Variants in CCDC200 observed in about 807,000 individuals in gnomAD.
CCDC200 encodes coiled-coil domain containing 200.
intron 1 of CCDC200, among the ~76,000 whole-genome samples, chr17:43,227,040 G>A (rs1225192025): frequency 4.6e-5 from 7 of 151,904 alleles, no homozygotes; most frequent in African/African-American, 1.2e-4. Flanking sequence ...GTGCAACGGC[G>A]CGATCTTGGC....
At chr17:43,225,693 T>TATA (rs1282739067) in intron 1 of CCDC200, among the ~76,000 whole-genome samples, 1 of 28,960 alleles carries the variant, frequency 3.5e-5, no homozygotes, top group Non-Finnish European at 2.3e-4. Flanking sequence ...TATATATATA[T>TATA]TGCATGCTAC....
At chr17:43,222,589 CTTTT>C (rs34235178) in intron 3 of CCDC200, among the ~76,000 whole-genome samples, 1 of 139,784 alleles carries the variant, frequency 7.2e-6, no homozygotes. Flanking sequence ...GCATTTTTTC[CTTTT>C]TTTTTTTTTT....
chr17:43,224,655 G>A (rs1254199251), intron 1 of CCDC200, 106 bp from the exon 2 acceptor site: 2 of 152,368 alleles, frequency 1.3e-5, no homozygotes, highest in African/African-American at 4.8e-5. Context: ...AAGTATAGGT[G>A]GCAGTGGTCT....
intron 3 of CCDC200, among the ~76,000 whole-genome samples, chr17:43,223,246 A>AT (rs1382906549): frequency 5.4e-4 from 46 of 84,850 alleles, no homozygotes; most frequent in African/African-American, 1.4e-3. Context: ...ATTTTTTTCA[A>AT]TTTTTTTTTT....
intron 1 of CCDC200, among the ~76,000 whole-genome samples, chr17:43,227,453 C>T (rs2057577529): frequency 6.6e-6 from 1 of 152,154 alleles, no homozygotes; most frequent in Non-Finnish European, 1.5e-5. Flanking sequence ...TAGTGAGACC[C>T]TGTCTGTATT....
chr17:43,225,698 TGC>T (rs2057564252), intron 1 of CCDC200, among the ~76,000 whole-genome samples: 1 of 26,962 alleles, frequency 3.7e-5, no homozygotes, highest in African/African-American at 4.6e-5. Flanking sequence ...ATATATTGCA[TGC>T]TACATGTGTA....
At chr17:43,226,503 C>G (rs148054159) in intron 1 of CCDC200, among the ~76,000 whole-genome samples, 6,622 of 152,212 alleles carry the variant, frequency 0.044, 511 homozygotes, top group African/African-American at 0.15. Flanking sequence ...TCAAGTGATT[C>G]TCCCACTGCA....
intron 1 of CCDC200, among the ~76,000 whole-genome samples, chr17:43,226,971 TTTG>T (rs541715006): frequency 6.6e-6 from 1 of 152,058 alleles, no homozygotes; most frequent in Non-Finnish European, 1.5e-5. Flanking sequence ...TATTTATATT[TTTG>T]TTGTTGTTGT....
chr17:43,225,463 G>A (rs899965003), intron 1 of CCDC200, among the ~76,000 whole-genome samples: 2 of 149,946 alleles, frequency 1.3e-5, no homozygotes, highest in Non-Finnish European at 3.0e-5. Flanking sequence ...AGGAGTTCGA[G>A]ACCAGCCTGA....
At chr17:43,230,979 CAA>C (rs1359819265), upstream of CCDC200, among the ~76,000 whole-genome samples, 21 of 31,030 alleles carry the variant, frequency 6.8e-4, no homozygotes, top group Middle Eastern at 0.022. Flanking sequence ...GACTCCGTCT[CAA>C]AAAAAAAAAA....
chr17:43,224,571 A>G (rs901301857), intron 1 of CCDC200, 22 bp from the exon 2 acceptor site: 7 of 152,744 alleles, frequency 4.6e-5, no homozygotes, highest in African/African-American at 1.7e-4. Flanking sequence ...CCCCCGGGCA[A>G]GTGGCATCAT....
chr17:43,227,780 C>T (rs1167789191), intron 1 of CCDC200, among the ~76,000 whole-genome samples: 4 of 151,860 alleles, frequency 2.6e-5, no homozygotes, highest in Non-Finnish European at 4.4e-5. Flanking sequence ...CCACCATGCC[C>T]GGCCAAAATA....
chr17:43,225,162 C>T (rs35960318), intron 1 of CCDC200, among the ~76,000 whole-genome samples: 48,126 of 151,512 alleles, frequency 0.32, 7,982 homozygotes, highest in South Asian at 0.49. Context: ...GCCTCCTGAG[C>T]AGCTTGGACT....
chr17:43,227,104 G>C (rs777337194), intron 1 of CCDC200, among the ~76,000 whole-genome samples: 1 of 151,532 alleles, frequency 6.6e-6, no homozygotes, highest in African/African-American at 2.4e-5. Flanking sequence ...TCAGCCTCCC[G>C]AGTAGCTGGG....
intron 1 of CCDC200, among the ~76,000 whole-genome samples, chr17:43,225,776 C>A (rs1474922570): frequency 7.3e-6 from 1 of 137,742 alleles, no homozygotes; most frequent in South Asian, 2.6e-4. Context: ...TTCTGTCCCC[C>A]AGGCTGGAGT....
intron 1 of CCDC200, among the ~76,000 whole-genome samples, chr17:43,225,680 G>GTATATATATATATA (rs1176223204): frequency 0.022 from 372 of 16,642 alleles, 160 homozygotes; most frequent in Non-Finnish European, 0.21. Context: ...AAAAAAAAAA[G>GTATATATATATATA]TATATATATA....
chr17:43,221,741 T>C (rs978200169), intron 3 of CCDC200, 144 bp from the exon 4 acceptor site: 1 of 152,650 alleles, frequency 6.6e-6, no homozygotes, highest in Non-Finnish European at 1.5e-5. Flanking sequence ...TCAGTTTCTT[T>C]CATCTGTTGC....
intron 1 of CCDC200, among the ~76,000 whole-genome samples, chr17:43,227,661 C>G (rs750190425): frequency 2.0e-5 from 3 of 150,680 alleles, no homozygotes; most frequent in Non-Finnish European, 4.4e-5. Context: ...ACTTTTTGTA[C>G]TTTTAGTAGA....
chr17:43,225,418 A>T (rs1333205522), intron 1 of CCDC200, among the ~76,000 whole-genome samples: 2 of 151,254 alleles, frequency 1.3e-5, no homozygotes, highest in Non-Finnish European at 2.9e-5. Context: ...TCATCCCAGC[A>T]CTTTGGGAAG....
Sources: gnomAD v4.1 joint callset for allele counts (sites outside exome capture counted in the v4.1 genomes callset) on GRCh38, gnomAD v4.1.1 for gene constraint, MANE v1.5 for transcripts, NCBI Gene and HGNC (gene_info 2026-07-23, HGNC 2026-07-21) for gene names.